Variants in DNM1 observed in about 807,000 individuals in gnomAD.
DNM1 encodes dynamin 1.
DNM1 carries 29 observed loss-of-function variants against 104.6 expected under a neutral mutation model. That is an observed-to-expected ratio of 0.28 (90% CI 0.21 to 0.38). The LOEUF (loss-of-function observed/expected upper bound fraction) is 0.38. DNM1 is among the 10% of genes least tolerant of loss of function. The pLI is 1.00. For missense variants in DNM1, 640 were observed against 1,189.4 expected (o/e 0.54, Z 6.79); for synonymous variants, 445 against 475.8 (o/e 0.94, Z 0.84).
At chr9:128,216,012 G>A (rs1189815597) in intron 1 of DNM1, among the ~76,000 whole-genome samples, 1 of 151,970 alleles carries the variant, frequency 6.6e-6, no homozygotes, top group East Asian at 1.9e-4. Flanking sequence ...GATTGAGACC[G>A]GAAGTCCTCC....
At chr9:128,231,990 C>T (rs555902244) in intron 10 of DNM1, 11 of 456,410 alleles carry the variant, frequency 2.4e-5, no homozygotes, top group Middle Eastern at 3.3e-4. Flanking sequence ...GAAAAGCTGG[C>T]GGAACATCCT....
chr9:128,222,291 A>G lies in DNM1; in HGVS notation c.944A>G (p.Lys315Arg), dbSNP rs1564332523. Residue 315 changes from lysine to arginine, a missense_variant, in exon 7 of 22, where the codon AAG becomes AGG. Coordinates refer to ENST00000372923, the MANE Select transcript of DNM1 (RefSeq NM_004408.4). This position sits in a 1 kb window ranked among gnomAD's most constrained non-coding sequence, Gnocchi z 7.8. ...ATTGAGAAGGAGGTGGAGGAATACA[A>G]GAACTTCCGCCCTGATGACCCAGCT... Reference protein sequence around the residue: ...LSIEKEVEEYKNFRPDDPARK... With the variant: ...LSIEKEVEEYRNFRPDDPARK... 2 of 1,614,198 alleles carry G rather than the reference A, an allele frequency of 1.2e-6. No homozygotes were observed. Among genetic ancestry groups the G allele is most frequent in the Non-Finnish European group, 1.7e-6 (2 of 1,180,016 alleles).
At chr9:128,205,720 C>T (rs954656464) in intron 1 of DNM1, among the ~76,000 whole-genome samples, 1 of 152,228 alleles carries the variant, frequency 6.6e-6, no homozygotes, top group South Asian at 2.1e-4. Flanking sequence ...TGTAAACATG[C>T]GGGAGGGGGC....
chr9:128,223,034 G>A (rs1479573118), intron 9 of DNM1, 174 bp downstream of exon 9: 1 of 665,550 alleles, frequency 1.5e-6, no homozygotes. Context: ...TTGGGGAGGT[G>A]GACCCGGGCC....
At chr9:128,211,177 G>A (rs1834268457) in intron 1 of DNM1, among the ~76,000 whole-genome samples, 1 of 151,578 alleles carries the variant, frequency 6.6e-6, no homozygotes, top group Non-Finnish European at 1.5e-5. Context: ...CTTAGCAGCA[G>A]AGGTAGTTTC....
At chr9:128,239,605 T>C in intron 12 of DNM1, 90 bp downstream of exon 12, 2 of 1,293,060 alleles carry the variant, frequency 1.5e-6, no homozygotes, top group Non-Finnish European at 2.2e-6. Flanking sequence ...TGTGTGTGTG[T>C]GTGTGTGTGT....
chr9:128,247,635 G>A lies in DNM1; in HGVS notation c.1893+149G>A. 1.4e-6 allele frequency: 1 copy of A among 739,802 alleles called. No individual in the cohort carries two copies. The highest frequency in any genetic ancestry group is 2.7e-5 in the East Asian group (1 of 36,608). 45.8% of individuals were successfully genotyped at this position (739,802 alleles called of 1,614,324 possible). A position where few individuals can be genotyped will look rare whatever the true frequency, so the allele number is the denominator to read the frequency against. ...CCTCCCCCCTACCCACTCTGGGGGT[G>A]GGAACAGAGATAAGTCTCCTGGTAT... On this transcript the variant is annotated intron_variant, in intron 17 of 21. Coordinates refer to ENST00000372923, the MANE Select transcript of DNM1 (RefSeq NM_004408.4). This position sits in a 1 kb window ranked among gnomAD's most constrained non-coding sequence, Gnocchi z 5.1.
chr9:128,248,775 G>A lies in DNM1; in HGVS notation c.2076+22G>A, dbSNP rs551242975. ...CAATGTGCGTGCTCCACTGCATGGG[G>A]GCAGGGAAATCCTGTGGCACTGGGG... On this transcript the variant is annotated intron_variant, in intron 19 of 21. Transcript: ENST00000372923. The surrounding 1 kb of genome is among the most constrained non-coding windows in gnomAD (Gnocchi z 5.6). 2 of 1,602,936 alleles carry A rather than the reference G, an allele frequency of 1.2e-6. No homozygotes were observed. Among genetic ancestry groups the A allele is most frequent in the African/African-American group, 2.7e-5 (2 of 74,904 alleles).
chr9:128,220,369 G>A lies in DNM1; in HGVS notation c.849+28G>A. On this transcript the variant is annotated intron_variant, in intron 6 of 21. Coordinates refer to ENST00000372923, the MANE Select transcript of DNM1 (RefSeq NM_004408.4). This position sits in a 1 kb window ranked among gnomAD's most constrained non-coding sequence, Gnocchi z 5.2. ...AGGCGACCAAGCCAGGATGGGGCCT[G>A]GGGAAACAAGCATGAAAACAGGATA... 6.2e-7 allele frequency: 1 copy of A among 1,609,472 alleles called. No homozygotes were observed. The highest frequency in any genetic ancestry group is 8.5e-7 in the Non-Finnish European group (1 of 1,178,592).
Position 128,234,185 on chromosome 9 carries a change from G to A in DNM1, c.1422+78G>A, listed in dbSNP as rs1465251382. ...CTGCGCCTTCCACTCCTGGCCCTGG[G>A]GTTGCTTCCTTCTTGTTTTGTCTCT... On this transcript the variant is annotated intron_variant, in intron 11 of 21. Transcript: ENST00000372923. The A allele has an allele frequency of 7.4e-6, 9 of 1,219,512 alleles. No individual in the cohort carries two copies. In the East Asian group the frequency reaches 2.4e-4, roughly 32 times the overall value. 75.5% of individuals were successfully genotyped at this position (1,219,512 alleles called of 1,614,324 possible).
chr9:128,253,117 C>G lies in DNM1; in HGVS notation c.2535-1537C>G. 6.2e-7 allele frequency: 1 copy of G among 1,608,896 alleles called. No individual in the cohort carries two copies. Among genetic ancestry groups the G allele is most frequent in the South Asian group, 1.1e-5 (1 of 91,052 alleles). ...GTCTTTCAGAATCACTATCAGTGAC[C>G]CCTGAGGAGCGTCAGCCATGGTAGG... On this transcript the variant is annotated intron_variant, in intron 21 of 21. Coordinates refer to ENST00000372923, the MANE Select transcript of DNM1 (RefSeq NM_004408.4). The surrounding 1 kb of genome is among the most constrained non-coding windows in gnomAD (Gnocchi z 5.9).
Position 128,250,807 on chromosome 9 carries a change from G to T in DNM1, c.2401G>T (p.Gly801Trp). 1 of 1,340,562 alleles carries T rather than the reference G, an allele frequency of 7.5e-7. No individual in the cohort carries two copies. Among genetic ancestry groups the T allele is most frequent in the Non-Finnish European group, 9.5e-7 (1 of 1,057,044 alleles). The allele number at this position is 1,340,562 out of a possible 1,614,324, so 83.0% of individuals were successfully genotyped here. ...GCCCGGGTCGCGGGGCCCTGCTCCT[G>T]GGCCTCCGCCTGCTGGGTCCGCCCT... ...ARPGSRGPAP[G>W]PPPAGSALGG... Residue 801 changes from glycine (G) to tryptophan (W), a missense_variant, in exon 21 of 22, where the codon GGG becomes TGG. Physicochemically the swap from Gly to Trp is radical, Grantham distance 184 (BLOSUM62 -2). Around this residue, in one of 7 missense-constraint regions of DNM1, gnomAD observed 129 missense variants for 224.6 expected, o/e 0.57. Transcript: ENST00000372923.
intron 1 of DNM1, among the ~76,000 whole-genome samples, chr9:128,207,635 C>G (rs1295696747): frequency 6.6e-6 from 1 of 152,140 alleles, no homozygotes; most frequent in Non-Finnish European, 1.5e-5. Context: ...CTGCCACTTA[C>G]AAGCAGAGAA....
At chr9:128,250,608 C>T in intron 20 of DNM1, 117 bp from the exon 21 acceptor site, 2 of 1,043,738 alleles carry the variant, frequency 1.9e-6, no homozygotes, top group Non-Finnish European at 2.6e-6. Context: ...CTTAGGGGTG[C>T]GGCAGGGAGG....
chr9:128,207,549 C>A lies in DNM1; in HGVS notation c.161+3918C>A, dbSNP rs1402509295. On this transcript the variant is annotated intron_variant, in intron 1 of 21. Coordinates refer to ENST00000372923, the MANE Select transcript of DNM1 (RefSeq NM_004408.4). ...CAAGAGTGGGTTGTCCTAGGGCAGG[C>A]CAAGTCTGGTGGGAATGTGGCAGAG... Among the ~76,000 whole-genome samples, 4 of 151,624 alleles carry A rather than the reference C, an allele frequency of 2.6e-5. No homozygotes were observed. The East Asian group carries it at 5.8e-4, about 22-fold the overall frequency.
At chr9:128,236,568 G>A (rs1265795075) in intron 11 of DNM1, among the ~76,000 whole-genome samples, 1 of 151,968 alleles carries the variant, frequency 6.6e-6, no homozygotes, top group Non-Finnish European at 1.5e-5. Context: ...TAACAGTTTG[G>A]GGCTCCACAC....
intron 1 of DNM1, among the ~76,000 whole-genome samples, chr9:128,212,125 G>T (rs1203136230): frequency 6.6e-6 from 1 of 152,222 alleles, no homozygotes; most frequent in African/African-American, 2.4e-5. Flanking sequence ...CTCAGGAACT[G>T]GGACCTGCCA....
rs375886288 is a variant in DNM1 at position 128,234,117 on chromosome 9, G to A, written c.1422+10G>A. Reference sequence around the variant, plus strand: ...CCGCACTAAGGAGCAGGTGAGCCCCGCAGCACCCGGCCTGGCCGCGCCTTC... The same window carrying A: ...CCGCACTAAGGAGCAGGTGAGCCCCACAGCACCCGGCCTGGCCGCGCCTTC... On this transcript the variant is annotated intron_variant, in intron 11 of 21. Coordinates refer to ENST00000372923, the MANE Select transcript of DNM1 (RefSeq NM_004408.4). 39 of 1,527,400 alleles carry A rather than the reference G, an allele frequency of 2.6e-5. No individual in the cohort carries two copies. The highest frequency in any genetic ancestry group is 9.9e-5 in the South Asian group (8 of 81,064). 94.6% of individuals were successfully genotyped at this position (1,527,400 alleles called of 1,614,324 possible). A position where few individuals can be genotyped will look rare whatever the true frequency, so the allele number is the denominator to read the frequency against.
At chr9:128,252,476 T>C in intron 21 of DNM1, 1 of 399,064 alleles carries the variant, frequency 2.5e-6, no homozygotes, top group Non-Finnish European at 4.9e-6. Context: ...CAGGAGGGTA[T>C]CTGGGCCAAG....
Sources: allele counts gnomAD v4.1 joint callset (sites outside exome capture counted in the v4.1 genomes callset), GRCh38; gene constraint gnomAD v4.1.1; regional missense constraint gnomAD v4.1.1; non-coding constraint Gnocchi (gnomAD v3.1); transcripts MANE v1.5; gene names NCBI Gene and HGNC (gene_info 2026-07-23, HGNC 2026-07-21).